Variants in TCF20 observed in about 807,000 individuals in gnomAD.
TCF20 encodes the protein transcription factor 20, also known as SPRE-binding protein.
In TCF20, 3 loss-of-function variants were observed where a neutral mutation model predicts 148.6. That is an observed-to-expected ratio of 0.02 (90% confidence interval 0.01 to 0.05). The LOEUF (loss-of-function observed/expected upper bound fraction) is 0.05. Ranked by LOEUF, TCF20 falls within the 10% of genes least tolerant of loss-of-function variation. The pLI, the probability that TCF20 is intolerant of heterozygous loss-of-function variation, is 1.00. For synonymous variants in TCF20, 1,049 were observed against 909.5 expected (o/e 1.15, Z -2.76); for missense variants, 2,350 against 2,429.3 (o/e 0.97, Z 0.69).
intron 1 of TCF20, among the ~76,000 whole-genome samples, chr22:42,236,826 C>T (rs12158532): frequency 0.079 from 11,998 of 152,166 alleles, 1,567 homozygotes; most frequent in African/African-American, 0.27. Flanking sequence ...TATATGTGTA[C>T]GCTATACTTC....
intron 2 of TCF20, among the ~76,000 whole-genome samples, chr22:42,199,439 A>C (rs1180682598): frequency 6.6e-6 from 1 of 152,188 alleles, no homozygotes; most frequent in Non-Finnish European, 1.5e-5. Flanking sequence ...GAAACTGAGG[A>C]AATAGGGTAC....
At chr22:42,188,375 G>A (rs1031045355) in intron 2 of TCF20, among the ~76,000 whole-genome samples, 5 of 147,758 alleles carry the variant, frequency 3.4e-5, no homozygotes, top group Admixed American at 6.8e-5. Context: ...GCAATAATGT[G>A]AAGGTAACCC....
rs182947475 is a variant in TCF20, at chr22:42,326,980, A to G, written c.-37+16499T>C. Among the ~76,000 whole-genome samples the G allele has an allele frequency of 5.3e-4, 81 of 152,340 alleles. 2 individuals carry two copies. In the South Asian group the frequency reaches 0.011, roughly 20 times the overall value. On this transcript the variant is annotated intron_variant, in intron 1 of 1. Transcript: ENST00000515426. ...GAAAGGGCAGATCTTTTTCCACAAC[A>G]TGACGCGATCTGGCAGCAGATCAGG...
Position 42,211,559 on chromosome 22 carries a change from G to T in TCF20, c.3747C>A (p.Asn1249Lys), listed in dbSNP as rs1277433884. 1.2e-6 allele frequency: 2 copies of T among 1,614,100 alleles called. No individual in the cohort carries two copies. The highest frequency in any genetic ancestry group is 2.7e-5 in the African/African-American group (2 of 74,926). ...LPGQEDHSSQNPLIMRRRVRS... is the reference protein window; with the variant it reads ...LPGQEDHSSQKPLIMRRRVRS... ...GAACACGCCTCCTCATGATTAAGGG[G>T]TTTTGAGAAGAATGATCCTCCTGGC... is the stretch of plus-strand genomic sequence containing the variant. The change falls in exon 2 of 6, where the codon AAC becomes AAA. Residue 1249 changes from asparagine to lysine, a missense_variant. Physicochemically the swap from Asn to Lys is moderately conservative, Grantham distance 94. Transcript: ENST00000677622.
intron 1 of TCF20, among the ~76,000 whole-genome samples, chr22:42,245,143 A>C (rs751716954): frequency 1.4e-4 from 22 of 152,188 alleles, no homozygotes; most frequent in Non-Finnish European, 3.1e-4. Context: ...AGAACCTAGG[A>C]CATGCAAGAG....
Position 42,211,476 on chromosome 22 carries a change from C to T in TCF20, c.3830G>A (p.Ser1277Asn), listed in dbSNP as rs1920962239. ...KRQSQDVKNS[S>N]TEDKGRLLHS... ...AAGGAGGCGACCTTTATCTTCAGTG[C>T]TACTGTTCTTTACATCTTGTGACTG... The change falls in exon 2 of 6, where the codon AGC (serine) becomes AAC (asparagine). Residue 1277 changes from serine to asparagine, a missense_variant. By Grantham distance (46) the Ser-to-Asn change is conservative. This residue lies in a region of TCF20 where 1,641 missense variants were observed against 1,662.6 expected (regional missense o/e 0.99). Transcript: ENST00000677622. The T allele has an allele frequency of 1.2e-6, 2 of 1,614,174 alleles. No homozygotes were observed. Among genetic ancestry groups the T allele is most frequent in the Non-Finnish European group, 1.7e-6 (2 of 1,180,046 alleles).
At chr22:42,206,581 A>G (rs1938402734) in intron 2 of TCF20, among the ~76,000 whole-genome samples, 1 of 152,140 alleles carries the variant, frequency 6.6e-6, no homozygotes, top group African/African-American at 2.4e-5. Flanking sequence ...GGATCTTTGC[A>G]TTTTAAAATG....
Position 42,210,747 on chromosome 22 carries a change from G to C in TCF20, c.4559C>G (p.Thr1520Arg). The C allele has an allele frequency of 1.2e-6, 2 of 1,614,200 alleles. No homozygotes were observed. Among genetic ancestry groups the C allele is most frequent in the Non-Finnish European group, 1.7e-6 (2 of 1,180,034 alleles). The change falls in exon 2 of 6, where the codon ACG (threonine) becomes AGG (arginine). Residue 1520 changes from threonine (T) to arginine (R), a missense_variant. This residue lies in a region of TCF20 where 231 missense variants were observed against 213.7 expected (regional missense o/e 1.08). Coordinates refer to ENST00000677622, the MANE Select transcript of TCF20 (RefSeq NM_001378418.1). The surrounding 1 kb of genome is among the most constrained non-coding windows in gnomAD (Gnocchi z 4.7). ...KAEEKENDTV[T>R]ISPKQEGFPP... is the part of the protein sequence containing the mutation. ...GAAACCCTCTTGCTTCGGTGAAATC[G>C]TCACTGTATCGTTCTCCTTCTCTTC...
chr22:42,179,460 T>C, intron 3 of TCF20, 149 bp downstream of exon 3: 1 of 527,724 alleles, frequency 1.9e-6, no homozygotes, highest in South Asian at 2.7e-5. Context: ...TGAGTGCTGC[T>C]AATGGGTGGG....
intron 5 of TCF20, among the ~76,000 whole-genome samples, chr22:42,165,584 G>A (rs750466390): frequency 1.3e-5 from 2 of 152,232 alleles, no homozygotes; most frequent in Non-Finnish European, 2.9e-5. Flanking sequence ...GCGAGGGTCA[G>A]GTACCAGATA....
chr22:42,162,904 AACAC>A (rs1935553475), intron 5 of TCF20, among the ~76,000 whole-genome samples: 2 of 152,196 alleles, frequency 1.3e-5, no homozygotes, highest in Non-Finnish European at 2.9e-5. Context: ...AATAAGCAGG[AACAC>A]ACACAGAGGC....
intron 2 of TCF20, among the ~76,000 whole-genome samples, chr22:42,204,957 G>A (rs976317423): frequency 1.3e-5 from 2 of 152,042 alleles, no homozygotes; most frequent in African/African-American, 4.8e-5. Flanking sequence ...ATTTGGGAGG[G>A]GCACCTTCTA....
chr22:42,301,697 A>G (rs576302050), intron 1 of TCF20, among the ~76,000 whole-genome samples: 1 of 152,298 alleles, frequency 6.6e-6, no homozygotes, highest in Non-Finnish European at 1.5e-5. Context: ...GTGGGAAGCA[A>G]TGTTTGCAGG....
chr22:42,215,495 G>A (rs1244282109), intron 1 of TCF20, 154 bp from the exon 2 acceptor site: 38 of 984,790 alleles, frequency 3.9e-5, no homozygotes, highest in Non-Finnish European at 5.3e-5. Flanking sequence ...TTTGAGACAA[G>A]AGTCTCACTC....
intron 1 of TCF20, among the ~76,000 whole-genome samples, chr22:42,233,735 A>G (rs1255715508): frequency 1.3e-5 from 2 of 152,198 alleles, no homozygotes; most frequent in African/African-American, 4.8e-5. Context: ...TGAAGACCAA[A>G]AGTTTTAATC....
intron 1 of TCF20, among the ~76,000 whole-genome samples, chr22:42,238,143 T>C (rs1016140255): frequency 2.0e-5 from 3 of 152,246 alleles, no homozygotes; most frequent in Admixed American, 2.0e-4. Flanking sequence ...ATCAGTGATC[T>C]TGGCTACATC....
At chr22:42,310,494 CA>C (rs1174504783) in intron 1 of TCF20, among the ~76,000 whole-genome samples, 3 of 151,784 alleles carry the variant, frequency 2.0e-5, no homozygotes, top group Admixed American at 6.6e-5. Context: ...GGAATCCAGC[CA>C]GGGGGGCGCG....
At chr22:42,163,899 T>A (rs56184405) in intron 5 of TCF20, among the ~76,000 whole-genome samples, 113 of 152,322 alleles carry the variant, frequency 7.4e-4, no homozygotes, top group Non-Finnish European at 1.3e-3. Context: ...CTCCCTTCCC[T>A]TCTCGCTCAC....
chr22:42,181,466 T>C (rs1241537431), intron 2 of TCF20, among the ~76,000 whole-genome samples: 1 of 152,098 alleles, frequency 6.6e-6, no homozygotes, highest in African/African-American at 2.4e-5. Context: ...GGCCCGAAGA[T>C]ATGGCCCTCC....
Sources: allele counts gnomAD v4.1 joint callset (sites outside exome capture counted in the v4.1 genomes callset), GRCh38; gene constraint gnomAD v4.1.1; regional missense constraint gnomAD v4.1.1; non-coding constraint Gnocchi (gnomAD v3.1); transcripts MANE v1.5; gene names NCBI Gene and HGNC (gene_info 2026-07-23, HGNC 2026-07-21).